CELF4: variants seen among roughly 807,000 people sequenced by gnomAD.
The protein encoded by CELF4 is CUG-BP- and ETR-3-like factor 4.
CELF4 carries 18 observed loss-of-function variants against 59.9 expected under a neutral mutation model. The ratio of observed to expected loss-of-function variants is 0.30; its 90% CI spans 0.21 to 0.45. CELF4 has a LOEUF of 0.45. CELF4 is among the 20% of genes least tolerant of loss of function. The pLI is 1.00. For synonymous variants in CELF4, 261 were observed against 267.1 expected, an observed-to-expected ratio of 0.98 and a Z score of 0.22; for missense variants, 456 against 689.0, an observed-to-expected ratio of 0.66 and a Z score of 3.79.
chr18:37,273,374 AG>A, intron 6 of CELF4: 2 of 1,337,716 alleles, frequency 1.5e-6, no homozygotes, highest in Non-Finnish European at 1.9e-6. Context: ...TGTATTTAAA[AG>A]TAATGCTAGG....
At chr18:37,472,319 G>T (rs1051842379) in intron 2 of CELF4, among the ~76,000 whole-genome samples, 10 of 152,222 alleles carry the variant, frequency 6.6e-5, no homozygotes, top group African/African-American at 2.4e-4. Context: ...CCTCCCTGCG[G>T]CCAGCCCTGC....
chr18:37,503,894 C>A (rs942405855), intron 1 of CELF4, among the ~76,000 whole-genome samples: 2 of 152,254 alleles, frequency 1.3e-5, no homozygotes, highest in East Asian at 3.9e-4. Flanking sequence ...CCTTCCCTGA[C>A]CCCATCTGGA....
At chr18:37,452,650 G>A (rs1345973383) in intron 2 of CELF4, among the ~76,000 whole-genome samples, 1 of 152,102 alleles carries the variant, frequency 6.6e-6, no homozygotes, top group Non-Finnish European at 1.5e-5. Flanking sequence ...CAGGTCTGCT[G>A]GACACTGCTC....
intron 1 of CELF4, among the ~76,000 whole-genome samples, chr18:37,554,294 G>T (rs1026465944): frequency 6.6e-6 from 1 of 152,168 alleles, no homozygotes; most frequent in Non-Finnish European, 1.5e-5. Context: ...TTGTCCCGCA[G>T]GCTGGATGTG....
chr18:37,470,991 G>A (rs933922232), intron 2 of CELF4, among the ~76,000 whole-genome samples: 1 of 151,562 alleles, frequency 6.6e-6, no homozygotes, highest in Non-Finnish European at 1.5e-5. Context: ...GTAGTGAGAT[G>A]AGGTGGTTTG....
intron 1 of CELF4, among the ~76,000 whole-genome samples, chr18:37,536,353 G>A (rs749376335): frequency 3.3e-5 from 5 of 152,082 alleles, no homozygotes; most frequent in South Asian, 2.1e-4. Flanking sequence ...TGGTGCATTG[G>A]AACCTGAAGG....
At chr18:37,561,323 T>G (rs1259845415) in intron 1 of CELF4, among the ~76,000 whole-genome samples, 1 of 152,246 alleles carries the variant, frequency 6.6e-6, no homozygotes, top group Admixed American at 6.5e-5. Flanking sequence ...TAGATTAAAA[T>G]GCATCGTAGG....
At chr18:37,561,462 G>A (rs2099986508) in intron 1 of CELF4, among the ~76,000 whole-genome samples, 1 of 152,176 alleles carries the variant, frequency 6.6e-6, no homozygotes, top group African/African-American at 2.4e-5. Flanking sequence ...TGACTTCAAA[G>A]ATAATGCATT....
chr18:37,398,785 C>T (rs901129872), intron 2 of CELF4, among the ~76,000 whole-genome samples: 5 of 152,278 alleles, frequency 3.3e-5, no homozygotes, highest in African/African-American at 4.8e-5. Flanking sequence ...CACTCGAGAT[C>T]GCACCATGGA....
At chr18:37,510,910 C>T (rs999840126) in intron 1 of CELF4, among the ~76,000 whole-genome samples, 1 of 152,178 alleles carries the variant, frequency 6.6e-6, no homozygotes, top group Non-Finnish European at 1.5e-5. Flanking sequence ...GGAGGCAGCT[C>T]TGCCTTCCTG....
At chr18:37,428,767 G>A (rs1046492562) in intron 2 of CELF4, among the ~76,000 whole-genome samples, 1 of 152,184 alleles carries the variant, frequency 6.6e-6, no homozygotes, top group African/African-American at 2.4e-5. Context: ...CATGTGTTCT[G>A]AGCAGCAGCC....
chr18:37,325,578 G>C (rs762848855), intron 2 of CELF4, among the ~76,000 whole-genome samples: 1 of 152,252 alleles, frequency 6.6e-6, no homozygotes, highest in South Asian at 2.1e-4. Context: ...CCAACCAGAC[G>C]GGCCCTGGAT....
intron 3 of CELF4, chr18:37,305,947 C>T (rs1337039689): frequency 5.3e-5 from 8 of 152,208 alleles, no homozygotes; most frequent in Non-Finnish European, 7.3e-5. Context: ...ACCCTGAGGC[C>T]GAGAATCACG....
chr18:37,354,929 T>G (rs747262927), intron 2 of CELF4, among the ~76,000 whole-genome samples: 1 of 152,362 alleles, frequency 6.6e-6, no homozygotes, highest in Middle Eastern at 3.4e-3. Context: ...TGGAGAGAGA[T>G]ATTTCCATAA....
chr18:37,384,705 C>A (rs139314788), intron 2 of CELF4, among the ~76,000 whole-genome samples: 1 of 152,162 alleles, frequency 6.6e-6, no homozygotes, highest in Admixed American at 6.5e-5. Context: ...GGGAACATCA[C>A]GGGTCACTTC....
intron 1 of CELF4, among the ~76,000 whole-genome samples, chr18:37,497,374 C>T (rs2099926327): frequency 6.6e-6 from 1 of 152,226 alleles, no homozygotes; most frequent in African/African-American, 2.4e-5. Context: ...ACAATTGGTG[C>T]TGGGTGTAGT....
chr18:37,345,936 C>T (rs1203265545), intron 2 of CELF4, among the ~76,000 whole-genome samples: 3 of 152,010 alleles, frequency 2.0e-5, no homozygotes, highest in East Asian at 1.9e-4. Context: ...GCCTGGCCCC[C>T]GGAGCCCCCA....
intron 1 of CELF4, among the ~76,000 whole-genome samples, chr18:37,498,572 G>A (rs12454639): frequency 0.22 from 33,123 of 150,704 alleles, 4,445 homozygotes; most frequent in Admixed American, 0.35. Context: ...CTCATGACTA[G>A]CACCTATATT....
intron 1 of CELF4, among the ~76,000 whole-genome samples, chr18:37,509,868 T>A (rs2154604232): frequency 6.6e-6 from 1 of 152,362 alleles, no homozygotes; most frequent in East Asian, 1.9e-4. Flanking sequence ...ACAGTGTGGA[T>A]GAACCTTGAA....
Sources: gnomAD v4.1 joint callset for allele counts (sites outside exome capture counted in the v4.1 genomes callset) on GRCh38, gnomAD v4.1.1 for gene constraint, MANE v1.5 for transcripts, NCBI Gene and HGNC (gene_info 2026-07-23, HGNC 2026-07-21) for gene names.